Variants in RABGEF1 observed in about 807,000 individuals in gnomAD.
RABGEF1 encodes rab5 GDP/GTP exchange factor.
RABGEF1 carries 26 observed loss-of-function variants against 57.3 expected under a neutral mutation model. The observed-to-expected ratio is 0.45, with a 90% CI of 0.33 to 0.63. The LOEUF is 0.63. Among genes scored for constraint, RABGEF1 ranks in the 20% least tolerant of loss-of-function variants. RABGEF1 has a pLI of 0.02. For missense variants in RABGEF1, 464 were observed against 607.6 expected, an observed-to-expected ratio of 0.76 and a Z score of 2.48; for synonymous variants, 185 against 210.7, an observed-to-expected ratio of 0.88 and a Z score of 1.06.
intron 1 of RABGEF1, among the ~76,000 whole-genome samples, chr7:66,694,009 A>G (rs1394283790): frequency 1.3e-5 from 2 of 152,096 alleles, no homozygotes; most frequent in Admixed American, 6.5e-5. Flanking sequence ...GGGTTTCACC[A>G]TGTTGGCCAG....
intron 1 of RABGEF1, among the ~76,000 whole-genome samples, chr7:66,693,028 C>T (rs2707840): frequency 0.1 from 15,680 of 152,152 alleles, 990 homozygotes; most frequent in South Asian, 0.2. Flanking sequence ...GCCCTCCTAG[C>T]GGGGGAAAAA....
chr7:66,659,360 G>A, the RABGEF1 span, among the ~76,000 whole-genome samples: 1 of 152,022 alleles, frequency 6.6e-6, no homozygotes, highest in African/African-American at 2.4e-5. Context: ...GCTGTGGCAG[G>A]GGAATCGCTT....
At chr7:66,791,367 A>G (rs1394264818) in intron 4 of RABGEF1, among the ~76,000 whole-genome samples, 1 of 152,236 alleles carries the variant, frequency 6.6e-6, no homozygotes, top group Non-Finnish European at 1.5e-5. Context: ...GGACTTTCTC[A>G]GAATATGAGG....
intron 1 of RABGEF1, among the ~76,000 whole-genome samples, chr7:66,746,166 T>C (rs1249325274): frequency 6.6e-6 from 1 of 152,248 alleles, no homozygotes; most frequent in African/African-American, 2.4e-5. Flanking sequence ...TTTATCTCTT[T>C]GATGTTTGGA....
intron 1 of RABGEF1, among the ~76,000 whole-genome samples, chr7:66,756,806 G>C (rs1802822351): frequency 6.6e-6 from 1 of 151,928 alleles, no homozygotes; most frequent in East Asian, 1.9e-4. Flanking sequence ...ATTAATGTAG[G>C]GGGTGTCAGA....
intron 1 of RABGEF1, among the ~76,000 whole-genome samples, chr7:66,696,526 C>T (rs1310847094): frequency 6.6e-6 from 1 of 151,710 alleles, no homozygotes; most frequent in East Asian, 1.9e-4. Context: ...CCTGTCTCTA[C>T]TAAAAATACA....
At chr7:66,667,743 A>T in the RABGEF1 span, 3 of 152,274 alleles carry the variant, frequency 2.0e-5, no homozygotes, top group Non-Finnish European at 4.4e-5. Context: ...CTCTCACCGA[A>T]TGCTCCCACG....
chr7:66,766,304 CA>C (rs80149477), intron 1 of RABGEF1, among the ~76,000 whole-genome samples: 6,108 of 98,384 alleles, frequency 0.062, 145 homozygotes, highest in East Asian at 0.12. Context: ...CCCTGTCTTC[CA>C]AAAAAAAAAA....
At chr7:66,687,441 C>G (rs1790839855) in intron 1 of RABGEF1, among the ~76,000 whole-genome samples, 1 of 147,830 alleles carries the variant, frequency 6.8e-6, no homozygotes, top group Non-Finnish European at 1.5e-5. Flanking sequence ...CTTGGATTTC[C>G]AGACTCCATA....
At chr7:66,695,503 T>G (rs1792188967) in intron 1 of RABGEF1, among the ~76,000 whole-genome samples, 1 of 152,132 alleles carries the variant, frequency 6.6e-6, no homozygotes, top group Non-Finnish European at 1.5e-5. Flanking sequence ...GAGCGACCAT[T>G]CAGTGACAAG....
At chr7:66,730,205 G>A (rs1382997758) in intron 2 of RABGEF1, among the ~76,000 whole-genome samples, 1 of 152,160 alleles carries the variant, frequency 6.6e-6, no homozygotes, top group African/African-American at 2.4e-5. Flanking sequence ...CCTGAGGGAG[G>A]ACTTCCCAGC....
At chr7:66,657,374 AAC>A in the RABGEF1 span, among the ~76,000 whole-genome samples, 2 of 152,228 alleles carry the variant, frequency 1.3e-5, no homozygotes, top group Non-Finnish European at 2.9e-5. Flanking sequence ...ATGGAAAATA[AAC>A]ACACTCTTGA....
In RABGEF1 at chr7:66,771,881, A is replaced by G. The variant is rs756428857; in HGVS notation, c.-17-2A>G. ...TTCAACAGCACTTTCTTGTTTGTTC[A>G]GTGGTTAGCAGGAAGAAGATGAGCC... On this transcript the variant is annotated splice_acceptor_variant, in intron 1 of 8. Coordinates refer to ENST00000284957, the MANE Select transcript of RABGEF1 (RefSeq NM_014504.3). LOFTEE classifies it low-confidence loss of function (5UTR_SPLICE). 1.4e-6 allele frequency: 2 copies of G among 1,455,686 alleles called. No homozygotes were observed. The highest frequency in any genetic ancestry group is 1.8e-6 in the Non-Finnish European group (2 of 1,094,996). 90.2% of individuals were successfully genotyped at this position (1,455,686 alleles called of 1,614,324 possible).
At chr7:66,687,975 C>T (rs1377139390) in intron 1 of RABGEF1, among the ~76,000 whole-genome samples, 1 of 150,978 alleles carries the variant, frequency 6.6e-6, no homozygotes, top group Non-Finnish European at 1.5e-5. Context: ...ATCCCAGCTA[C>T]ACGGTAGGCT....
chr7:66,799,692 ACTT>A (rs1157927823), intron 7 of RABGEF1, among the ~76,000 whole-genome samples: 4 of 151,742 alleles, frequency 2.6e-5, no homozygotes, highest in African/African-American at 9.7e-5. Flanking sequence ...TTTTTTTTGT[ACTT>A]CTTTTTTTAT....
the RABGEF1 span, among the ~76,000 whole-genome samples, chr7:66,659,472 G>C: frequency 7.2e-6 from 1 of 139,552 alleles, no homozygotes; most frequent in Non-Finnish European, 1.6e-5. Flanking sequence ...AAAGAAAAAA[G>C]AAAAAAAAGA....
the RABGEF1 span, among the ~76,000 whole-genome samples, chr7:66,659,482 A>G: frequency 2.0e-5 from 3 of 150,344 alleles, no homozygotes; most frequent in Non-Finnish European, 4.4e-5. Context: ...GAAAAAAAAG[A>G]AAACACTGCC....
At chr7:66,721,994 C>T (rs1488302588) in intron 2 of RABGEF1, among the ~76,000 whole-genome samples, 1 of 151,646 alleles carries the variant, frequency 6.6e-6, no homozygotes, top group Non-Finnish European at 1.5e-5. Context: ...TCCGTCTTTT[C>T]AAAAAATCAA....
At chr7:66,767,612 C>A (rs1806065331) in intron 1 of RABGEF1, among the ~76,000 whole-genome samples, 4 of 152,086 alleles carry the variant, frequency 2.6e-5, no homozygotes, top group Admixed American at 2.6e-4. Context: ...GGAGGTGGAG[C>A]CTTTGGGAGG....
Sources: gnomAD v4.1 joint callset for allele counts (sites outside exome capture counted in the v4.1 genomes callset) on GRCh38, gnomAD v4.1.1 for gene constraint, MANE v1.5 for transcripts, NCBI Gene and HGNC (gene_info 2026-07-23, HGNC 2026-07-21) for gene names.